LYPD6: variants seen among roughly 807,000 people sequenced by gnomAD.
LYPD6 encodes the protein LY6/PLAUR domain containing 6, also known as ly6/PLAUR domain-containing protein 6.
LYPD6 carries 15 observed loss-of-function variants against 22.7 expected under a neutral mutation model. The observed-to-expected ratio is 0.66, with a 90% confidence interval of 0.44 to 1.02. LYPD6 has a LOEUF of 1.02. Ranked by LOEUF, LYPD6 falls within the 50% of genes least tolerant of loss-of-function variation. The pLI, the probability that LYPD6 is intolerant of heterozygous loss-of-function variation, is 0.00. For synonymous variants in LYPD6, 72 were observed against 77.5 expected (o/e 0.93, Z 0.37); for missense variants, 189 against 208.4 (o/e 0.91, Z 0.57).
At chr2:149,339,871 A>G (rs1382742210) in intron 1 of LYPD6, among the ~76,000 whole-genome samples, 2 of 152,190 alleles carry the variant, frequency 1.3e-5, no homozygotes, top group African/African-American at 4.8e-5. Flanking sequence ...AGGCAAAACG[A>G]AAGTATTGGG....
intron 1 of LYPD6, among the ~76,000 whole-genome samples, chr2:149,402,233 C>CGTGTGTGT (rs146124855): frequency 8.5e-4 from 124 of 145,632 alleles, no homozygotes; most frequent in African/African-American, 2.9e-3. Context: ...TGTGTGTTTG[C>CGTGTGTGT]GTGTGTGTGT....
intron 3 of LYPD6, among the ~76,000 whole-genome samples, chr2:149,462,826 TGGAGGAACTGGACATTCACA>T (rs2105176470): frequency 2.0e-5 from 3 of 152,144 alleles, no homozygotes; most frequent in Non-Finnish European, 4.4e-5. Flanking sequence ...CAAATGGTAC[TGGAGGAACTGGACATTCACA>T]GGCAAAAAAT....
intron 1 of LYPD6, among the ~76,000 whole-genome samples, chr2:149,417,122 G>C (rs1682982035): frequency 6.6e-6 from 1 of 152,114 alleles, no homozygotes; most frequent in Non-Finnish European, 1.5e-5. Flanking sequence ...CCAGATTCAG[G>C]ATCACTCATT....
At chr2:149,468,132 A>AACACACACAC (rs58309346) in intron 3 of LYPD6, among the ~76,000 whole-genome samples, 4,861 of 114,632 alleles carry the variant, frequency 0.042, 258 homozygotes, top group Non-Finnish European at 0.049. Context: ...GCTTCCCCCC[A>AACACACACAC]ACACACACAC....
chr2:149,363,848 G>A (rs1404854434), intron 1 of LYPD6, among the ~76,000 whole-genome samples: 2 of 152,288 alleles, frequency 1.3e-5, no homozygotes, highest in East Asian at 3.9e-4. Context: ...CATTTGGTGA[G>A]TAGGGGCTTA....
chr2:149,436,805 T>A (rs951188), intron 1 of LYPD6, among the ~76,000 whole-genome samples: 135,130 of 152,254 alleles, frequency 0.89, 60,094 homozygotes, highest in East Asian at 1. Context: ...CTGGTCTCGA[T>A]CTCCCAACCT....
chr2:149,354,755 G>C (rs748670510), intron 1 of LYPD6, among the ~76,000 whole-genome samples: 1 of 152,104 alleles, frequency 6.6e-6, no homozygotes, highest in East Asian at 1.9e-4. Flanking sequence ...TGAAAAAGCC[G>C]ACATGCTTCA....
rs530865846 is a variant in LYPD6 at position 149,425,544 on chromosome 2, A to G, written c.-71-12094A>G. 2.6e-5 allele frequency among the ~76,000 whole-genome samples: 4 copies of G among 152,294 alleles called. No homozygotes were observed. In the South Asian group the frequency reaches 8.3e-4, roughly 32 times the overall value. ...AGAAAGAAATTAATTTAGATGCAAA[A>G]ACAAAAATGTTCTATTATCAAGGAC... On this transcript the variant is annotated intron_variant, in intron 1 of 4. Coordinates refer to ENST00000334166, the MANE Select transcript of LYPD6 (RefSeq NM_194317.5).
intron 1 of LYPD6, among the ~76,000 whole-genome samples, chr2:149,335,436 A>G (rs1225673288): frequency 6.6e-6 from 1 of 152,228 alleles, no homozygotes; most frequent in Non-Finnish European, 1.5e-5. Flanking sequence ...AGTTTGTACC[A>G]TGTGTTTGTG....
At chr2:149,340,734 G>A (rs1240230730) in intron 1 of LYPD6, among the ~76,000 whole-genome samples, 4 of 152,132 alleles carry the variant, frequency 2.6e-5, no homozygotes, top group Non-Finnish European at 5.9e-5. Context: ...ACCCATTAAT[G>A]CTGATCTAAT....
At chr2:149,340,424 T>C (rs1681138263) in intron 1 of LYPD6, among the ~76,000 whole-genome samples, 1 of 152,216 alleles carries the variant, frequency 6.6e-6, no homozygotes, top group South Asian at 2.1e-4. Context: ...TCCACAGGAC[T>C]CTACCTGCTT....
chr2:149,400,729 G>A lies in LYPD6; in HGVS notation c.-71-36909G>A, dbSNP rs139380057. 7.6e-3 allele frequency among the ~76,000 whole-genome samples: 1,162 copies of A among 152,298 alleles called. 15 individuals carry two copies. The highest frequency in any genetic ancestry group is 0.026 in the African/African-American group (1,080 of 41,576). On this transcript the variant is annotated intron_variant, in intron 1 of 4. Transcript: ENST00000334166. ...TTGATAAGAGTGAAAGATTCAGAAA[G>A]TTTGCTTTCAGTTATCTAAAACTTG...
At chr2:149,370,019 A>G (rs1371354493) in intron 1 of LYPD6, among the ~76,000 whole-genome samples, 1 of 152,112 alleles carries the variant, frequency 6.6e-6, no homozygotes, top group African/African-American at 2.4e-5. Context: ...CACGGCTCTC[A>G]CCAAGGCTGG....
At chr2:149,337,523 C>G (rs994801714) in intron 1 of LYPD6, among the ~76,000 whole-genome samples, 2 of 152,054 alleles carry the variant, frequency 1.3e-5, no homozygotes, top group Non-Finnish European at 2.9e-5. Flanking sequence ...TTGTTTCTTT[C>G]CTTGGCTCTG....
At chr2:149,476,683 T>C (rs969056033), downstream of LYPD6, among the ~76,000 whole-genome samples, 6 of 152,230 alleles carry the variant, frequency 3.9e-5, no homozygotes, top group African/African-American at 1.4e-4. Context: ...AATCCATTCA[T>C]CTTTGAGAAG....
At chr2:149,453,033 C>T (rs1189546633) in intron 3 of LYPD6, among the ~76,000 whole-genome samples, 1 of 152,214 alleles carries the variant, frequency 6.6e-6, no homozygotes, top group Non-Finnish European at 1.5e-5. Flanking sequence ...GCTTAAGATG[C>T]TCTCCATAAC....
intron 1 of LYPD6, among the ~76,000 whole-genome samples, chr2:149,424,116 TAC>T (rs1309374406): frequency 7.4e-5 from 10 of 135,904 alleles, no homozygotes; most frequent in African/African-American, 3.3e-4. Context: ...GTAGCATGCG[TAC>T]ACATGTCAAT....
At chr2:149,452,460 A>T (rs1680856819) in intron 3 of LYPD6, among the ~76,000 whole-genome samples, 1 of 152,234 alleles carries the variant, frequency 6.6e-6, no homozygotes, top group South Asian at 2.1e-4. Context: ...TTTTTCTGTT[A>T]GTAGTCTGAA....
rs145840362 is a variant in LYPD6 at position 149,387,615 on chromosome 2, C to A, written c.-71-50023C>A. Among the ~76,000 whole-genome samples the A allele has an allele frequency of 6.3e-3, 959 of 152,236 alleles. 11 individuals carry two copies. The highest frequency in any genetic ancestry group is 0.022 in the African/African-American group (903 of 41,526). ...AAGGAAGCATCAAGGAATTTAGCAACTCAGTGGGAAAGGATTGGGGTGGAG... is the reference window on the plus strand; with the variant it reads ...AAGGAAGCATCAAGGAATTTAGCAAATCAGTGGGAAAGGATTGGGGTGGAG... On this transcript the variant is annotated intron_variant, in intron 1 of 4. Transcript: ENST00000334166.
Sources: gnomAD v4.1 joint callset for allele counts (sites outside exome capture counted in the v4.1 genomes callset) on GRCh38, gnomAD v4.1.1 for gene constraint, MANE v1.5 for transcripts, NCBI Gene and HGNC (gene_info 2026-07-23, HGNC 2026-07-21) for gene names.